The following ZNHIT6 variants were observed in gnomAD, a reference collection of about 807,000 sequenced individuals.
ZNHIT6 encodes the protein zinc finger HIT-type containing 6.
ZNHIT6 carries 45 observed loss-of-function variants against 57.2 expected under a neutral mutation model. That is an observed-to-expected ratio of 0.79 (90% confidence interval 0.62 to 1.01). The LOEUF (loss-of-function observed/expected upper bound fraction) is 1.01, where lower values mean the gene tolerates loss of function less well. Ranked by LOEUF, ZNHIT6 falls within the 50% of genes least tolerant of loss-of-function variation. The pLI, the probability that ZNHIT6 is intolerant of heterozygous loss-of-function variation, is 0.00. For synonymous variants in ZNHIT6, 188 were observed against 190.0 expected (o/e 0.99, Z 0.09); for missense variants, 528 against 567.3 (o/e 0.93, Z 0.70).
At chr1:85,664,289 G>T (rs144772421) in intron 8 of ZNHIT6, among the ~76,000 whole-genome samples, 147 of 152,186 alleles carry the variant, frequency 9.7e-4, no homozygotes, top group African/African-American at 3.3e-3. Flanking sequence ...TTATTTCAGA[G>T]AACCCATCTT....
intron 8 of ZNHIT6, among the ~76,000 whole-genome samples, chr1:85,658,487 C>T (rs1460587012): frequency 6.6e-6 from 1 of 151,984 alleles, no homozygotes; most frequent in Admixed American, 6.5e-5. Flanking sequence ...GCCTTGGCCT[C>T]CCAAAGTGCT....
intron 5 of ZNHIT6, among the ~76,000 whole-genome samples, chr1:85,698,470 C>CT (rs1307095217): frequency 3.3e-5 from 5 of 151,982 alleles, no homozygotes; most frequent in Non-Finnish European, 2.9e-5. Context: ...ACATTTAAAA[C>CT]TTTTTTTAAA....
In ZNHIT6 at chr1:85,692,891, TTTG is replaced by T. The variant is rs199540665; in HGVS notation, c.1019+9263_1019+9265del. Among the ~76,000 whole-genome samples the T allele has an allele frequency of 9.3e-3, 1,410 of 152,278 alleles. 57 individuals are homozygous for T. The highest frequency in any genetic ancestry group is 0.062 in the Admixed American group (954 of 15,288). ...AGTAATTTTTTGAATTCATAAAAGC[TTTG>T]TTATTTCTTTACAAGAGGGACACCT... is the stretch of plus-strand genomic sequence containing the variant. On this transcript the variant is annotated intron_variant, in intron 5 of 9. Transcript: ENST00000370574.
chr1:85,691,429 G>A (rs1030846340), intron 5 of ZNHIT6, among the ~76,000 whole-genome samples: 3 of 152,286 alleles, frequency 2.0e-5, no homozygotes, highest in Admixed American at 6.5e-5. Flanking sequence ...CTCAGGCTAC[G>A]GAATGGAGTA....
In ZNHIT6 at chr1:85,654,068, T is replaced by C. The variant is rs141928407; in HGVS notation, c.1403A>G (p.Asn468Ser). 24 of 1,612,504 alleles carry C rather than the reference T, an allele frequency of 1.5e-5. No individual in the cohort carries two copies. Among genetic ancestry groups the C allele is most frequent in the African/African-American group, 1.1e-4 (8 of 74,858 alleles). Residue 468 changes from asparagine to serine, a missense_variant, in exon 10 of 10, where the codon AAT becomes AGT. By Grantham distance (46) the Asn-to-Ser change is conservative. Coordinates refer to ENST00000370574, the MANE Select transcript of ZNHIT6 (RefSeq NM_017953.4). ...TTCCAGAAAAAATGCTCAATTTTCATTGCCAACGTTCTTGGTAGATTCACT... is the reference window on the plus strand; with the variant it reads ...TTCCAGAAAAAATGCTCAATTTTCACTGCCAACGTTCTTGGTAGATTCACT... Reference protein sequence around the residue: ...VKSESTKNVGNEN With the variant: ...VKSESTKNVGSEN
rs1238137604 is a variant in ZNHIT6 at position 85,707,939 on chromosome 1, C to T, written c.346G>A (p.Glu116Lys). The change falls in exon 1 of 10, where the codon GAG (glutamate) becomes AAG (lysine). Residue 116 changes from glutamate to lysine, a missense_variant. By Grantham distance (56) the Glu-to-Lys change is moderately conservative (BLOSUM62 1). Coordinates refer to ENST00000370574, the MANE Select transcript of ZNHIT6 (RefSeq NM_017953.4). ...CTACTATCCGTCTCCTGCTTCACCT[C>T]CAATACGCCTGCGTTCTCATCCTTC... ...EVKDENAGVL[E>K]VKQETDSSLV... 3.1e-6 allele frequency: 5 copies of T among 1,614,036 alleles called. No homozygotes were observed. The highest frequency in any genetic ancestry group is 4.2e-6 in the Non-Finnish European group (5 of 1,180,048).
intron 5 of ZNHIT6, among the ~76,000 whole-genome samples, chr1:85,693,061 T>G (rs1228255354): frequency 1.3e-5 from 2 of 152,116 alleles, no homozygotes. Context: ...AAGAATAAAT[T>G]GAAAAGTTAA....
intron 8 of ZNHIT6, among the ~76,000 whole-genome samples, chr1:85,667,347 T>A (rs193146833): frequency 5.3e-5 from 8 of 152,300 alleles, no homozygotes; most frequent in African/African-American, 1.7e-4. Context: ...AGATTTAACC[T>A]TGATTTTAAA....
intron 5 of ZNHIT6, among the ~76,000 whole-genome samples, chr1:85,699,480 C>T (rs959025397): frequency 6.6e-6 from 1 of 152,098 alleles, no homozygotes; most frequent in African/African-American, 2.4e-5. Context: ...CTGCAGTGGA[C>T]ATCTGGCAAT....
At chr1:85,705,829 T>C (rs923616033) in intron 4 of ZNHIT6, among the ~76,000 whole-genome samples, 1 of 152,156 alleles carries the variant, frequency 6.6e-6, no homozygotes, top group Non-Finnish European at 1.5e-5. Flanking sequence ...TCTTGAGCCT[T>C]CTTTATTTTC....
chr1:85,700,818 T>C (rs1171639767), intron 5 of ZNHIT6, among the ~76,000 whole-genome samples: 1 of 152,218 alleles, frequency 6.6e-6, no homozygotes, highest in Non-Finnish European at 1.5e-5. Context: ...TACTTTACTT[T>C]TTTTTTGAGA....
chr1:85,692,093 C>G (rs879330473), intron 5 of ZNHIT6, among the ~76,000 whole-genome samples: 1 of 152,048 alleles, frequency 6.6e-6, no homozygotes, highest in Non-Finnish European at 1.5e-5. Context: ...CGCTTGAACC[C>G]GGGAGGCAGA....
chr1:85,661,763 T>C (rs191110995), intron 8 of ZNHIT6, among the ~76,000 whole-genome samples: 2 of 152,330 alleles, frequency 1.3e-5, no homozygotes, highest in East Asian at 1.9e-4. Context: ...GACAGCTTTA[T>C]CTTTTTGAAA....
intron 8 of ZNHIT6, among the ~76,000 whole-genome samples, chr1:85,669,292 CA>C (rs1438144691): frequency 6.6e-6 from 1 of 151,930 alleles, no homozygotes; most frequent in Non-Finnish European, 1.5e-5. Context: ...ATCAATTTCT[CA>C]AAAAGGAGAT....
At chr1:85,672,071 C>G (rs1322410798) in intron 8 of ZNHIT6, among the ~76,000 whole-genome samples, 1 of 152,162 alleles carries the variant, frequency 6.6e-6, no homozygotes, top group East Asian at 1.9e-4. Context: ...CAGTTTCACT[C>G]TGAAGATATC....
At chr1:85,693,196 A>G (rs1342464360) in intron 5 of ZNHIT6, among the ~76,000 whole-genome samples, 1 of 152,210 alleles carries the variant, frequency 6.6e-6, no homozygotes, top group Non-Finnish European at 1.5e-5. Flanking sequence ...AATTGGGTCC[A>G]TTTCTGAGGA....
At chr1:85,695,950 G>A (rs1246434692) in intron 5 of ZNHIT6, among the ~76,000 whole-genome samples, 1 of 152,116 alleles carries the variant, frequency 6.6e-6, no homozygotes, top group Non-Finnish European at 1.5e-5. Context: ...GCAGGAGAAT[G>A]GTGTGAACCC....
Position 85,656,812 on chromosome 1 carries a change from T to G in ZNHIT6, c.1372+1035A>C, listed in dbSNP as rs369661748. Among the ~76,000 whole-genome samples the G allele has an allele frequency of 2.0e-4, 30 of 152,212 alleles. 1 individual carries two copies. The highest frequency in any genetic ancestry group is 1.9e-3 in the East Asian group (10 of 5,178). On this transcript the variant is annotated intron_variant, in intron 9 of 9. Coordinates refer to ENST00000370574, the MANE Select transcript of ZNHIT6 (RefSeq NM_017953.4). ...GTAGCACTGATACAATTTTGGCCACTTTGGAAAACAATTTTTTTCTATTAA... is the reference window on the plus strand; with the variant it reads ...GTAGCACTGATACAATTTTGGCCACGTTGGAAAACAATTTTTTTCTATTAA...
At chr1:85,706,028 T>G in intron 4 of ZNHIT6, 50 bp downstream of exon 4, 1 of 1,345,022 alleles carries the variant, frequency 7.4e-7, no homozygotes, top group Non-Finnish European at 1.0e-6. Context: ...AAAAAGAATC[T>G]AATTGATTTG....
Sources: allele counts gnomAD v4.1 joint callset (sites outside exome capture counted in the v4.1 genomes callset), GRCh38; gene constraint gnomAD v4.1.1; transcripts MANE v1.5; gene names NCBI Gene and HGNC (gene_info 2026-07-23, HGNC 2026-07-21).